Variants in PTPRF observed in about 807,000 individuals in gnomAD.
PTPRF encodes protein tyrosine phosphatase receptor type F, also known as receptor-type tyrosine-protein phosphatase F.
In PTPRF, 59 loss-of-function variants were observed where a neutral mutation model predicts 201.8. The ratio of observed to expected loss-of-function variants is 0.29; its 90% CI spans 0.24 to 0.36. The LOEUF (loss-of-function observed/expected upper bound fraction) is 0.36. PTPRF is among the 10% of genes least tolerant of loss of function. PTPRF has a pLI of 1.00. For missense variants in PTPRF, 2,132 were observed against 2,690.5 expected (o/e 0.79, Z 4.59); for synonymous variants, 1,088 against 1,089.7 (o/e 1.00, Z 0.03).
In PTPRF at chr1:43,592,036, T is replaced by G. The variant is rs561487676; in HGVS notation, c.1668+88T>G. On this transcript the variant is annotated intron_variant, in intron 10 of 33. Transcript: ENST00000359947. ...TAACCCAGGAGGGTATTTTCTGGAT[T>G]CTGTGGCTTATGTGGGCACAGCCTC... The G allele has an allele frequency of 1.0e-5, 16 of 1,558,448 alleles. No individual in the cohort carries two copies. The East Asian group carries it at 2.3e-4, about 22-fold the overall frequency.
upstream of PTPRF, among the ~76,000 whole-genome samples, chr1:43,526,794 C>T (rs539183329): frequency 6.6e-6 from 1 of 152,322 alleles, no homozygotes; most frequent in Admixed American, 6.5e-5. Context: ...CCAGGTTGGA[C>T]AAGTGAGGCC....
At chr1:43,568,294 CAA>C (rs61593463) in intron 5 of PTPRF, among the ~76,000 whole-genome samples, 26 of 90,008 alleles carry the variant, frequency 2.9e-4, no homozygotes, top group Admixed American at 2.5e-4. Flanking sequence ...GACTCCATCT[CAA>C]AAAAAAAAAA....
chr1:43,557,652 G>T (rs1027969775), intron 5 of PTPRF, among the ~76,000 whole-genome samples: 5 of 149,866 alleles, frequency 3.3e-5, no homozygotes, highest in African/African-American at 4.9e-5. Flanking sequence ...AAAAAAAGAG[G>T]ACCTGCAGGA....
rs764106826 is a variant in PTPRF, at chr1:43,546,014, G to A, written c.91+848G>A. On this transcript the variant is annotated intron_variant, in intron 3 of 33. Coordinates refer to ENST00000359947, the MANE Select transcript of PTPRF (RefSeq NM_002840.5). This position sits in a 1 kb window ranked among gnomAD's most constrained non-coding sequence, Gnocchi z 4.2. ...CAGGCTGAGGGGGAGGGGCGAGGTC[G>A]GAGCCAAGGTCCCTGGGGGAAGGGG... Among the ~76,000 whole-genome samples the A allele has an allele frequency of 1.3e-5, 2 of 152,120 alleles. No individual in the cohort carries two copies. The highest frequency in any genetic ancestry group is 2.9e-5 in the Non-Finnish European group (2 of 68,012).
chr1:43,565,695 G>T (rs1244407940), intron 5 of PTPRF, among the ~76,000 whole-genome samples: 2 of 148,014 alleles, frequency 1.4e-5, no homozygotes, highest in Non-Finnish European at 2.9e-5. Flanking sequence ...ACCCGGTTGG[G>T]GGTGGAGGGG....
rs1644439031 is a variant in PTPRF, at chr1:43,542,832, G to T, written c.-45-2199G>T. Among the ~76,000 whole-genome samples, 1 of 152,130 alleles carries T rather than the reference G, an allele frequency of 6.6e-6. No homozygotes were observed. The highest frequency in any genetic ancestry group is 2.4e-5 in the African/African-American group (1 of 41,410). ...TTACTGCACCAAGGCGGCTACAGGG[G>T]ATTAAGCCTCTGCTCATTGTACTGG... On this transcript the variant is annotated intron_variant, in intron 2 of 33. Transcript: ENST00000359947. This position sits in a 1 kb window ranked among gnomAD's most constrained non-coding sequence, Gnocchi z 5.2.
chr1:43,594,674 AG>A (rs964944361), intron 11 of PTPRF, among the ~76,000 whole-genome samples: 69 of 152,200 alleles, frequency 4.5e-4, no homozygotes, highest in Admixed American at 3.5e-3. Context: ...ATAGGGGCCC[AG>A]GGGGAGGGAA....
intron 22 of PTPRF, among the ~76,000 whole-genome samples, chr1:43,611,427 C>T (rs778373717): frequency 4.6e-5 from 7 of 152,152 alleles, no homozygotes; most frequent in Non-Finnish European, 5.9e-5. Flanking sequence ...AAATTATGAG[C>T]ACCTGAGGGT....
Position 43,546,870 on chromosome 1 carries a change from G to A in PTPRF, c.91+1704G>A, listed in dbSNP as rs992622964. The stretch of plus-strand genomic sequence containing the variant: ...CACATCTAATCCATCACCAAGCTCC[G>A]TTGCTTCTACCTTCTGAATATCTTT... On this transcript the variant is annotated intron_variant, in intron 3 of 33. Coordinates refer to ENST00000359947, the MANE Select transcript of PTPRF (RefSeq NM_002840.5). This position sits in a 1 kb window ranked among gnomAD's most constrained non-coding sequence, Gnocchi z 4.2. 1.3e-5 allele frequency among the ~76,000 whole-genome samples: 2 copies of A among 152,062 alleles called. No individual in the cohort carries two copies. The highest frequency in any genetic ancestry group is 2.4e-5 in the African/African-American group (1 of 41,400).
rs958160783 is a variant in PTPRF, at chr1:43,601,697, C to T, written c.2314-374C>T. 9.8e-5 allele frequency among the ~76,000 whole-genome samples: 15 copies of T among 152,340 alleles called. 1 individual carries two copies. Among genetic ancestry groups the T allele is most frequent in the African/African-American group, 3.6e-4 (15 of 41,558 alleles). On this transcript the variant is annotated intron_variant, in intron 13 of 33. Coordinates refer to ENST00000359947, the MANE Select transcript of PTPRF (RefSeq NM_002840.5). ...ATTCACCCCTCAGTGTCTTCCTTTC[C>T]CTTGGCCTGAGCTGTTGAACCCACC...
intron 33 of PTPRF, 104 bp from the exon 34 acceptor site, chr1:43,621,831 C>A: frequency 1.7e-6 from 2 of 1,202,756 alleles, no homozygotes; most frequent in Non-Finnish European, 2.4e-6. Context: ...AGCACCTGCT[C>A]TTGGCCAGCA....
chr1:43,589,742 G>T (rs1042556289), intron 8 of PTPRF, among the ~76,000 whole-genome samples: 1 of 150,426 alleles, frequency 6.6e-6, no homozygotes, highest in African/African-American at 2.4e-5. Flanking sequence ...CACACCTGTG[G>T]CCCAGCTACT....
At chr1:43,590,831 C>T (rs1570393367) in intron 8 of PTPRF, 141 bp from the exon 9 acceptor site, 2 of 829,768 alleles carry the variant, frequency 2.4e-6, no homozygotes. Flanking sequence ...ATAAGCTTTT[C>T]CAGCCATTTT....
rs187487299 is a variant in PTPRF at position 43,548,445 on chromosome 1, C to T, written c.91+3279C>T. Among the ~76,000 whole-genome samples, 881 of 152,144 alleles carry T rather than the reference C, an allele frequency of 5.8e-3. 8 individuals are homozygous for T. The highest frequency in any genetic ancestry group is 7.4e-3 in the Non-Finnish European group (500 of 67,978). ...GGAGCACACAGGGTCTGTTGTCTGT[C>T]GTCATGCTCTCCCCCTCGTTCTATG... On this transcript the variant is annotated intron_variant, in intron 3 of 33. Coordinates refer to ENST00000359947, the MANE Select transcript of PTPRF (RefSeq NM_002840.5).
At position 43,622,848 on chromosome 1, in the gene PTPRF, A is replaced by C. The variant is rs1432234372; in HGVS notation, c.*845A>C. ...CCATCGTGTTTGCAAAGGTTAAAAC[A>C]AAAACAAAAAACCACAAAAATAAAA... On this transcript the variant is annotated 3_prime_UTR_variant, in exon 34 of 34. Coordinates refer to ENST00000359947, the MANE Select transcript of PTPRF (RefSeq NM_002840.5). The C allele has an allele frequency of 6.5e-6, 1 of 152,724 alleles. No homozygotes were observed. Among genetic ancestry groups the C allele is most frequent in the Non-Finnish European group, 1.5e-5 (1 of 68,102 alleles). 9.5% of individuals were successfully genotyped at this position (152,724 alleles called of 1,614,324 possible).
At chr1:43,573,007 A>T (rs912890064) in intron 6 of PTPRF, among the ~76,000 whole-genome samples, 1 of 152,102 alleles carries the variant, frequency 6.6e-6, no homozygotes, top group Non-Finnish European at 1.5e-5. Context: ...CTGCAACCTG[A>T]GCCACAGCAC....
At chr1:43,558,546 G>A (rs1337831159) in intron 5 of PTPRF, among the ~76,000 whole-genome samples, 1 of 152,208 alleles carries the variant, frequency 6.6e-6, no homozygotes, top group Non-Finnish European at 1.5e-5. Flanking sequence ...TCCTGGCTGT[G>A]ATGAGCGTGG....
chr1:43,581,855 C>T (rs72673073), intron 7 of PTPRF, among the ~76,000 whole-genome samples: 65 of 152,346 alleles, frequency 4.3e-4, no homozygotes, highest in African/African-American at 1.3e-3. Flanking sequence ...ACTTCTCAGC[C>T]GCAGCACTGT....
In PTPRF at chr1:43,606,281, G is replaced by A; in HGVS notation, c.3525G>A (p.Arg1175=). 3 of 1,613,636 alleles carry A rather than the reference G, an allele frequency of 1.9e-6. No homozygotes were observed. The highest frequency in any genetic ancestry group is 2.5e-6 in the Non-Finnish European group (3 of 1,179,920). ...AGCAAGGCGGAGAGGAGCAGCGGCG[G>A]CGGCGGCGGCAGGCAGAACGTCTGA... ...AIEQGGEEQR[R]RRRQAERLKP... The change falls in exon 20 of 34, where the codon CGG becomes CGA. Residue 1175 remains arginine, a synonymous_variant. Transcript: ENST00000359947.
Sources: allele counts gnomAD v4.1 joint callset (sites outside exome capture counted in the v4.1 genomes callset), GRCh38; gene constraint gnomAD v4.1.1; non-coding constraint Gnocchi (gnomAD v3.1); transcripts MANE v1.5; gene names NCBI Gene and HGNC (gene_info 2026-07-23, HGNC 2026-07-21).